ZEB1: variants seen among roughly 807,000 people sequenced by gnomAD.
ZEB1 encodes zinc finger E-box binding homeobox 1.
In ZEB1, 21 loss-of-function variants were observed where a neutral mutation model predicts 84.9. The observed-to-expected ratio is 0.25, with a 90% CI of 0.18 to 0.36. The LOEUF is 0.36. Among genes scored for constraint, ZEB1 ranks in the 10% least tolerant of loss-of-function variants. The pLI is 1.00. For synonymous variants in ZEB1, 420 were observed against 471.1 expected (o/e 0.89, Z 1.41); for missense variants, 1,104 against 1,330.2 (o/e 0.83, Z 2.65).
chr10:31,471,831 T>G (rs1283469564), intron 2 of ZEB1, among the ~76,000 whole-genome samples: 44 of 145,498 alleles, frequency 3.0e-4, no homozygotes, highest in African/African-American at 1.1e-3. Flanking sequence ...CCTCAGCAAA[T>G]GTAAAAGAAC....
intron 1 of ZEB1, among the ~76,000 whole-genome samples, chr10:31,336,120 G>A (rs976005386): frequency 3.3e-5 from 5 of 152,100 alleles, no homozygotes; most frequent in African/African-American, 1.2e-4. Flanking sequence ...ACATTGTAAT[G>A]GTGCCATTTC....
intron 1 of ZEB1, among the ~76,000 whole-genome samples, chr10:31,384,496 A>C (rs2048285470): frequency 6.6e-6 from 1 of 152,230 alleles, no homozygotes; most frequent in African/African-American, 2.4e-5. Context: ...AGCTGAGTAT[A>C]GTCATGACGG....
intron 1 of ZEB1, chr10:31,363,537 C>G: frequency 6.5e-7 from 1 of 1,528,836 alleles, no homozygotes; most frequent in Non-Finnish European, 8.8e-7. Flanking sequence ...TATTGTCCTC[C>G]TGCCCCTGGG....
At chr10:31,385,880 T>A (rs907395998) in intron 1 of ZEB1, among the ~76,000 whole-genome samples, 2 of 152,168 alleles carry the variant, frequency 1.3e-5, no homozygotes, top group Non-Finnish European at 2.9e-5. Context: ...TTGGAAAACA[T>A]TTAAAGGAAA....
At chr10:31,474,678 A>G (rs1376775668) in intron 2 of ZEB1, among the ~76,000 whole-genome samples, 2 of 152,204 alleles carry the variant, frequency 1.3e-5, no homozygotes, top group Non-Finnish European at 2.9e-5. Flanking sequence ...CTAGAACTAG[A>G]AATACCATTT....
intron 1 of ZEB1, chr10:31,373,230 A>ATG: frequency 3.0e-6 from 3 of 984,376 alleles, no homozygotes; most frequent in Non-Finnish European, 3.6e-6. Flanking sequence ...AAGCCTACCA[A>ATG]TGTATTATAT....
intron 1 of ZEB1, among the ~76,000 whole-genome samples, chr10:31,334,121 C>T (rs2037456052): frequency 6.6e-6 from 1 of 151,824 alleles, no homozygotes; most frequent in Non-Finnish European, 1.5e-5. Flanking sequence ...AATGTGAGAA[C>T]AAGCAGAAAA....
intron 1 of ZEB1, among the ~76,000 whole-genome samples, chr10:31,443,490 C>T (rs147770278): frequency 6.6e-6 from 1 of 150,802 alleles, no homozygotes; most frequent in African/African-American, 2.5e-5. Context: ...TATACATGTG[C>T]CATGCTGGTG....
At chr10:31,345,287 A>G (rs1161163076) in intron 1 of ZEB1, among the ~76,000 whole-genome samples, 1 of 152,240 alleles carries the variant, frequency 6.6e-6, no homozygotes, top group Non-Finnish European at 1.5e-5. Context: ...GATAGAAAAA[A>G]ATAGATTGGC....
intron 1 of ZEB1, among the ~76,000 whole-genome samples, chr10:31,407,158 A>T (rs559121671): frequency 6.6e-6 from 1 of 151,524 alleles, no homozygotes; most frequent in African/African-American, 2.4e-5. Context: ...GGTTAGTTAC[A>T]TATGTATACA....
Position 31,471,684 on chromosome 10 carries a change from T to C in ZEB1, c.259+10447T>C, listed in dbSNP as rs1462219587. The stretch of plus-strand genomic sequence containing the variant: ...GAAGGTCAACAAGGATACCCAGGAA[T>C]TGAACTCAGCTCTGCACCAAGCAGA... On this transcript the variant is annotated intron_variant, in intron 2 of 8. Transcript: ENST00000424869. Among the ~76,000 whole-genome samples, 245 of 146,974 alleles carry C rather than the reference T, an allele frequency of 1.7e-3. 1 individual carries two copies. Among genetic ancestry groups the C allele is most frequent in the African/African-American group, 6.3e-3 (240 of 38,248 alleles).
At chr10:31,346,076 G>C (rs1590146072) in intron 1 of ZEB1, among the ~76,000 whole-genome samples, 1 of 152,258 alleles carries the variant, frequency 6.6e-6, no homozygotes, top group African/African-American at 2.4e-5. Context: ...TTCTTACTGT[G>C]TCCAGTTGTT....
chr10:31,492,718 T>C (rs73262048), intron 2 of ZEB1, among the ~76,000 whole-genome samples: 1 of 151,900 alleles, frequency 6.6e-6, no homozygotes, highest in Non-Finnish European at 1.5e-5. Flanking sequence ...AGTTTTTGAA[T>C]TTAACACATA....
rs2066316705 is a variant in ZEB1 at position 31,490,091 on chromosome 10, C to A, written c.260-5685C>A. Among the ~76,000 whole-genome samples the A allele has an allele frequency of 1.3e-5, 2 of 151,192 alleles. 1 individual carries two copies. Among genetic ancestry groups the A allele is most frequent in the South Asian group, 4.1e-4 (2 of 4,822 alleles). ...ATCCCCTATAATTATATATTATTTCCTCTGGCTCTTTTTAGTATTTTTTTA... is the reference window on the plus strand; with the variant it reads ...ATCCCCTATAATTATATATTATTTCATCTGGCTCTTTTTAGTATTTTTTTA... On this transcript the variant is annotated intron_variant, in intron 2 of 8. Transcript: ENST00000424869.
In ZEB1 at chr10:31,520,108, G is replaced by C; in HGVS notation, c.794-18G>C. The C allele has an allele frequency of 6.2e-7, 1 of 1,607,980 alleles. No individual in the cohort carries two copies. The highest frequency in any genetic ancestry group is 1.1e-5 in the South Asian group (1 of 90,774). ...TGTAATAATTCAGTGAATATAATTTGTTTGTTTGTTTGTTTAGGAGAGAAG... is the reference window on the plus strand; with the variant it reads ...TGTAATAATTCAGTGAATATAATTTCTTTGTTTGTTTGTTTAGGAGAGAAG... On this transcript the variant is annotated intron_variant, in intron 6 of 8. Transcript: ENST00000424869. This position sits in a 1 kb window ranked among gnomAD's most constrained non-coding sequence, Gnocchi z 5.1.
chr10:31,319,344 CCGGGGCGCCCCCGGGGGTGAGGGGGG>C, intron 1 of ZEB1, 52 bp downstream of exon 1: 1 of 1,571,006 alleles, frequency 6.4e-7, no homozygotes, highest in Non-Finnish European at 8.6e-7. Context: ...AGCTGGGCAG[CCGGGGCGCCCCCGGGGGTGAGGGGGG>C]CGAGCCGGGC....
At chr10:31,387,399 A>C in intron 1 of ZEB1, 1 of 646,040 alleles carries the variant, frequency 1.5e-6, no homozygotes, top group Non-Finnish European at 1.9e-6. Flanking sequence ...TGGGTAGGAC[A>C]TCACACATTC....
intron 1 of ZEB1, among the ~76,000 whole-genome samples, chr10:31,377,858 A>T (rs1268643541): frequency 6.6e-6 from 1 of 151,730 alleles, no homozygotes; most frequent in East Asian, 1.9e-4. Flanking sequence ...ATTTTAAATA[A>T]TGACAGCAGT....
chr10:31,488,667 T>A (rs1185022733), intron 2 of ZEB1, among the ~76,000 whole-genome samples: 1 of 151,168 alleles, frequency 6.6e-6, no homozygotes, highest in Non-Finnish European at 1.5e-5. Flanking sequence ...CATTTAATGC[T>A]ATAAATTCCC....
Sources: gnomAD v4.1 joint callset for allele counts (sites outside exome capture counted in the v4.1 genomes callset) on GRCh38, gnomAD v4.1.1 for gene constraint, Gnocchi (gnomAD v3.1) non-coding constraint, MANE v1.5 for transcripts, NCBI Gene and HGNC (gene_info 2026-07-23, HGNC 2026-07-21) for gene names.